Variants in PDS5B observed in about 807,000 individuals in gnomAD.
PDS5B encodes sister chromatid cohesion protein PDS5 homolog B.
In PDS5B, 51 loss-of-function variants were observed where a neutral mutation model predicts 184.1. The ratio of observed to expected loss-of-function variants is 0.28; its 90% CI spans 0.22 to 0.35. The LOEUF is 0.35. Among genes scored for constraint, PDS5B ranks in the 10% least tolerant of loss-of-function variants. The pLI is 1.00. For synonymous variants in PDS5B, 566 were observed against 569.2 expected (o/e 0.99, Z 0.08); for missense variants, 1,180 against 1,723.3 (o/e 0.68, Z 5.58).
chr13:32,651,798 G>A lies in PDS5B; in HGVS notation c.109-6G>A. 6.4e-7 allele frequency: 1 copy of A among 1,558,638 alleles called. No homozygotes were observed. Among genetic ancestry groups the A allele is most frequent in the African/African-American group, 1.4e-5 (1 of 73,484 alleles). ...TTTCATTATTTGATTTTTTATTTTT[G>A]TATAGATGGTTGTGAAAACTTTTAT... On this transcript the variant is annotated splice_region_variant and splice_polypyrimidine_tract_variant and intron_variant, in intron 2 of 34. Transcript: ENST00000315596.
chr13:32,627,689 G>C (rs2058391448), intron 1 of PDS5B, among the ~76,000 whole-genome samples: 1 of 152,160 alleles, frequency 6.6e-6, no homozygotes, highest in Non-Finnish European at 1.5e-5. Flanking sequence ...ATATAATATT[G>C]TTGGAGTGAT....
intron 1 of PDS5B, among the ~76,000 whole-genome samples, chr13:32,637,185 G>T (rs2058576414): frequency 7.0e-6 from 1 of 142,238 alleles, no homozygotes; most frequent in South Asian, 2.2e-4. Context: ...GTTGGATGTG[G>T]TGTAGATTTA....
chr13:32,718,560 C>T (rs1952562271), intron 19 of PDS5B, among the ~76,000 whole-genome samples: 3 of 152,154 alleles, frequency 2.0e-5, no homozygotes, highest in Admixed American at 2.0e-4. Flanking sequence ...ACACCAGTAG[C>T]ATTCCCAATA....
Position 32,770,113 on chromosome 13 carries a change from T to C in PDS5B, c.3625-8T>C, listed in dbSNP as rs200255626. On this transcript the variant is annotated splice_region_variant and splice_polypyrimidine_tract_variant and intron_variant, in intron 31 of 34. Coordinates refer to ENST00000315596, the MANE Select transcript of PDS5B (RefSeq NM_015032.4). ...TAACCATAAATTGTGATTTTTTTTTTCCCCTAGTCTGAATTGGAGAAGCCT... is the reference window on the plus strand; with the variant it reads ...TAACCATAAATTGTGATTTTTTTTTCCCCCTAGTCTGAATTGGAGAAGCCT... The C allele has an allele frequency of 9.3e-5, 141 of 1,515,578 alleles. No individual in the cohort carries two copies. The highest frequency in any genetic ancestry group is 5.3e-4 in the Middle Eastern group (3 of 5,710). 93.9% of individuals were successfully genotyped at this position (1,515,578 alleles called of 1,614,324 possible).
intron 1 of PDS5B, among the ~76,000 whole-genome samples, chr13:32,638,614 T>C (rs558020704): frequency 3.9e-5 from 6 of 151,944 alleles, no homozygotes; most frequent in African/African-American, 1.2e-4. Flanking sequence ...CCTGCCTGAA[T>C]GCCTTCCATC....
intron 29 of PDS5B, 26 bp from the exon 30 acceptor site, chr13:32,760,549 A>G (rs1431327899): frequency 6.2e-7 from 1 of 1,607,982 alleles, no homozygotes; most frequent in Admixed American, 1.7e-5. Flanking sequence ...AACCAAATAA[A>G]AAGAGATGTG....
chr13:32,729,942 A>G (rs1004513213), intron 19 of PDS5B, among the ~76,000 whole-genome samples: 16 of 152,122 alleles, frequency 1.1e-4, no homozygotes, highest in Admixed American at 1.3e-4. Flanking sequence ...GAAGCTCTTT[A>G]GTTTAATTAG....
At chr13:32,710,184 T>A in intron 19 of PDS5B, 78 bp downstream of exon 19, 1 of 1,061,386 alleles carries the variant, frequency 9.4e-7, no homozygotes, top group Non-Finnish European at 1.3e-6. Context: ...TAATTGGGAA[T>A]CTTTCAAGTT....
chr13:32,725,887 A>G (rs1037759792), intron 19 of PDS5B, among the ~76,000 whole-genome samples: 1 of 152,132 alleles, frequency 6.6e-6, no homozygotes, highest in Non-Finnish European at 1.5e-5. Flanking sequence ...AGCATGTATC[A>G]TATTAGAGAT....
chr13:32,756,070 GT>G (rs1264690990), intron 26 of PDS5B, 114 bp downstream of exon 26: 1 of 574,896 alleles, frequency 1.7e-6, no homozygotes, highest in Non-Finnish European at 3.1e-6. Flanking sequence ...TTTCTTAGGT[GT>G]TTAAGGTTCT....
At chr13:32,729,898 G>A (rs1213198090) in intron 19 of PDS5B, among the ~76,000 whole-genome samples, 1 of 152,082 alleles carries the variant, frequency 6.6e-6, no homozygotes, top group Non-Finnish European at 1.5e-5. Context: ...GCTACTTACT[G>A]TTCACTCTGA....
In PDS5B at chr13:32,684,037, A is replaced by C; in HGVS notation, c.1203+14A>C. On this transcript the variant is annotated intron_variant, in intron 11 of 34. Coordinates refer to ENST00000315596, the MANE Select transcript of PDS5B (RefSeq NM_015032.4). ...TTAGACAAACGAGTAAGTATGAATA[A>C]ATAATTATTACTAAGTTTTCATTTT... 1 of 1,322,704 alleles carries C rather than the reference A, an allele frequency of 7.6e-7. No individual in the cohort carries two copies. Among genetic ancestry groups the C allele is most frequent in the Non-Finnish European group, 1.0e-6 (1 of 956,258 alleles). The allele number at this position is 1,322,704 out of a possible 1,614,324, so 81.9% of individuals were successfully genotyped here.
intron 1 of PDS5B, among the ~76,000 whole-genome samples, chr13:32,622,419 G>T (rs1261255873): frequency 6.6e-6 from 1 of 151,986 alleles, no homozygotes; most frequent in Non-Finnish European, 1.5e-5. Flanking sequence ...GTGAGATTTG[G>T]ATTATTTTTA....
chr13:32,755,772 TTTTTG>T (rs1954152645), intron 25 of PDS5B, 65 bp from the exon 26 acceptor site: 9 of 723,094 alleles, frequency 1.2e-5, no homozygotes, highest in East Asian at 2.7e-5. Flanking sequence ...AACCTGGATA[TTTTTG>T]TTTTGTTTTG....
chr13:32,716,853 C>T (rs1426938253), intron 19 of PDS5B, among the ~76,000 whole-genome samples: 3 of 123,318 alleles, frequency 2.4e-5, no homozygotes, highest in Admixed American at 1.5e-4. Context: ...GGGGGGTCAG[C>T]CCCCCGCCCG....
At chr13:32,725,095 TAGCTG>T (rs1952852208) in intron 19 of PDS5B, among the ~76,000 whole-genome samples, 1 of 152,244 alleles carries the variant, frequency 6.6e-6, no homozygotes, top group Non-Finnish European at 1.5e-5. Flanking sequence ...CTTCATTTCC[TAGCTG>T]AATACTTTTG....
intron 19 of PDS5B, among the ~76,000 whole-genome samples, chr13:32,730,584 A>C (rs897329982): frequency 6.6e-6 from 1 of 152,094 alleles, no homozygotes; most frequent in Non-Finnish European, 1.5e-5. Context: ...ATGAGCATGG[A>C]ATGTTTTTCC....
At chr13:32,605,455 A>C (rs185442640) in intron 1 of PDS5B, among the ~76,000 whole-genome samples, 8 of 152,038 alleles carry the variant, frequency 5.3e-5, no homozygotes, top group African/African-American at 1.7e-4. Context: ...TATAATTTCT[A>C]TTCTTTTACA....
chr13:32,586,921 G>A (rs1445139667), intron 1 of PDS5B, among the ~76,000 whole-genome samples: 6 of 144,348 alleles, frequency 4.2e-5, no homozygotes, highest in Non-Finnish European at 9.2e-5. Context: ...CGGCCGGGGC[G>A]GCGGCGGCGG....
Sources: gnomAD v4.1 joint callset for allele counts (sites outside exome capture counted in the v4.1 genomes callset) on GRCh38, gnomAD v4.1.1 for gene constraint, MANE v1.5 for transcripts, NCBI Gene and HGNC (gene_info 2026-07-23, HGNC 2026-07-21) for gene names.